Variants in NOSTRIN observed in about 807,000 individuals in gnomAD.
NOSTRIN encodes nitric oxide synthase trafficking.
A neutral mutation model predicts 59.0 loss-of-function variants in NOSTRIN; 63 were observed. The ratio of observed to expected loss-of-function variants is 1.07; its 90% CI spans 0.87 to 1.32. NOSTRIN has a LOEUF of 1.32. Ranked by LOEUF, NOSTRIN falls within the 40% of genes most tolerant of loss-of-function variation. NOSTRIN has a pLI of 0.00. For synonymous variants in NOSTRIN, 200 were observed against 165.4 expected (o/e 1.21, Z -1.61); for missense variants, 512 against 473.1 (o/e 1.08, Z -0.76).
chr2:168,791,438 T>G (rs1685349953), intron 2 of NOSTRIN, among the ~76,000 whole-genome samples: 1 of 152,246 alleles, frequency 6.6e-6, no homozygotes, highest in Non-Finnish European at 1.5e-5. Flanking sequence ...TTGTGAATAG[T>G]GCCACAATAA....
At chr2:168,859,229 T>G (rs1689294473) in intron 12 of NOSTRIN, 2 of 276,728 alleles carry the variant, frequency 7.2e-6, no homozygotes, top group East Asian at 1.5e-4. Context: ...GAAAATTGAG[T>G]AAAACCTCTT....
At chr2:168,799,097 G>A (rs763420039), upstream of NOSTRIN, among the ~76,000 whole-genome samples, 11 of 152,080 alleles carry the variant, frequency 7.2e-5, no homozygotes, top group Non-Finnish European at 1.5e-4. Flanking sequence ...TTATTTTCAT[G>A]GAAATTCTTG....
chr2:168,854,555 T>G (rs1044687260), intron 10 of NOSTRIN, among the ~76,000 whole-genome samples: 2 of 152,172 alleles, frequency 1.3e-5, no homozygotes, highest in Non-Finnish European at 2.9e-5. Flanking sequence ...AATTCCTACA[T>G]CAGCCCTAAA....
chr2:168,861,918 C>A (rs754949541), intron 14 of NOSTRIN, 42 bp from the exon 15 acceptor site: 2 of 1,558,722 alleles, frequency 1.3e-6, no homozygotes, highest in Non-Finnish European at 1.8e-6. Context: ...TATTCATTTG[C>A]CTGCTAACAC....
At chr2:168,800,806 G>A (rs1403520877), upstream of NOSTRIN, among the ~76,000 whole-genome samples, 5 of 151,374 alleles carry the variant, frequency 3.3e-5, no homozygotes, top group South Asian at 2.1e-4. Context: ...TGGTGGCTCC[G>A]GACAAGTTTA....
intron 7 of NOSTRIN, 56 bp downstream of exon 7, chr2:168,834,381 C>T (rs1053098014): frequency 3.6e-6 from 3 of 829,668 alleles, no homozygotes; most frequent in Non-Finnish European, 6.4e-6. Context: ...GGACTTGCTG[C>T]CCTTAGCTAC....
At chr2:168,828,881 T>C (rs555071505) in intron 5 of NOSTRIN, among the ~76,000 whole-genome samples, 23 of 152,198 alleles carry the variant, frequency 1.5e-4, no homozygotes, top group Non-Finnish European at 2.9e-4. Context: ...GTCTAATTTA[T>C]ACAATCTCAA....
chr2:168,814,389 T>C (rs574630898), intron 2 of NOSTRIN, among the ~76,000 whole-genome samples: 1 of 152,344 alleles, frequency 6.6e-6, no homozygotes, highest in South Asian at 2.1e-4. Context: ...CCTCTAGATA[T>C]ACATTGGATA....
chr2:168,860,495 A>G (rs1287108457), intron 13 of NOSTRIN, among the ~76,000 whole-genome samples: 1 of 152,076 alleles, frequency 6.6e-6, no homozygotes, highest in Admixed American at 6.5e-5. Flanking sequence ...ACACGGTGAA[A>G]CCCCGTCTCT....
At chr2:168,807,517 G>T (rs144356484) in intron 1 of NOSTRIN, among the ~76,000 whole-genome samples, 4 of 152,126 alleles carry the variant, frequency 2.6e-5, no homozygotes, top group Non-Finnish European at 5.9e-5. Context: ...AATTTTTGGC[G>T]TATAGTATAT....
upstream of NOSTRIN, among the ~76,000 whole-genome samples, chr2:168,802,102 G>T (rs1685631947): frequency 6.6e-6 from 1 of 152,106 alleles, no homozygotes; most frequent in Non-Finnish European, 1.5e-5. Flanking sequence ...GAGATGGTGG[G>T]GAGGTTTGGG....
chr2:168,800,619 A>G (rs1685586043), upstream of NOSTRIN, among the ~76,000 whole-genome samples: 1 of 152,170 alleles, frequency 6.6e-6, no homozygotes, highest in Admixed American at 6.5e-5. Flanking sequence ...CTACCAATCT[A>G]TAATTCGTAT....
intron 8 of NOSTRIN, among the ~76,000 whole-genome samples, chr2:168,847,711 T>C (rs1688514347): frequency 6.6e-6 from 1 of 152,336 alleles, no homozygotes; most frequent in Middle Eastern, 3.4e-3. Context: ...TATATACTAT[T>C]GTGGAACCTC....
At chr2:168,812,802 C>A (rs1436004597) in intron 2 of NOSTRIN, among the ~76,000 whole-genome samples, 1 of 152,142 alleles carries the variant, frequency 6.6e-6, no homozygotes, top group Non-Finnish European at 1.5e-5. Context: ...GAGAGAGGGG[C>A]AGAGTGTGTC....
At position 168,828,504 on chromosome 2, in the gene NOSTRIN, G is replaced by T; in HGVS notation, c.342+3G>T. On this transcript the variant is annotated splice_donor_region_variant and intron_variant, in intron 5 of 15. Coordinates refer to ENST00000317647, the MANE Select transcript of NOSTRIN (RefSeq NM_001039724.4). ...TACAAGAGAAGAAGAGAAAATCAGTGAGTCCAAACCTTTCTTTACTCTTCC... is the reference window on the plus strand; with the variant it reads ...TACAAGAGAAGAAGAGAAAATCAGTTAGTCCAAACCTTTCTTTACTCTTCC... 1.1e-6 allele frequency: 1 copy of T among 869,960 alleles called. No individual in the cohort carries two copies. Among genetic ancestry groups the T allele is most frequent in the African/African-American group, 1.6e-5 (1 of 61,260 alleles). The allele number at this position is 869,960 out of a possible 1,614,324, so 53.9% of individuals were successfully genotyped here.
intron 8 of NOSTRIN, among the ~76,000 whole-genome samples, chr2:168,847,308 A>G (rs538935913): frequency 5.3e-5 from 8 of 152,302 alleles, no homozygotes; most frequent in African/African-American, 1.9e-4. Flanking sequence ...ATGATTTTAA[A>G]ATGTATTTTT....
At chr2:168,856,603 C>G in intron 11 of NOSTRIN, 87 bp from the exon 12 acceptor site, 4 of 1,191,574 alleles carry the variant, frequency 3.4e-6, no homozygotes, top group Non-Finnish European at 5.0e-6. Flanking sequence ...GGTATCACTT[C>G]TAGGCTCCCT....
At chr2:168,858,770 G>A (rs1015060781) in intron 12 of NOSTRIN, among the ~76,000 whole-genome samples, 5 of 152,208 alleles carry the variant, frequency 3.3e-5, no homozygotes, top group Non-Finnish European at 5.9e-5. Flanking sequence ...TTAGGGTTGG[G>A]AATTCCCATG....
At chr2:168,860,256 G>C (rs1689355202) in intron 13 of NOSTRIN, among the ~76,000 whole-genome samples, 1 of 152,222 alleles carries the variant, frequency 6.6e-6, no homozygotes, top group Non-Finnish European at 1.5e-5. Flanking sequence ...ACATAGGTTA[G>C]AATTGGAAAC....
Sources: allele counts gnomAD v4.1 joint callset (sites outside exome capture counted in the v4.1 genomes callset), GRCh38; gene constraint gnomAD v4.1.1; transcripts MANE v1.5; gene names NCBI Gene and HGNC (gene_info 2026-07-23, HGNC 2026-07-21).